ENOX1: variants seen among roughly 807,000 people sequenced by gnomAD.
ENOX1 encodes ecto-NOX disulfide-thiol exchanger 1, also known as candidate growth-related and time keeping constitutive hydroquinone (NADH) oxidase.
ENOX1 carries 42 observed loss-of-function variants against 82.5 expected under a neutral mutation model. The ratio of observed to expected loss-of-function variants is 0.51; its 90% CI spans 0.40 to 0.66. The LOEUF is 0.66. ENOX1 is among the 30% of genes least tolerant of loss of function. ENOX1 has a pLI of 0.00. For missense variants in ENOX1, 608 were observed against 811.6 expected, an observed-to-expected ratio of 0.75 and a Z score of 3.05; for synonymous variants, 271 against 282.2, an observed-to-expected ratio of 0.96 and a Z score of 0.40.
intron 8 of ENOX1, among the ~76,000 whole-genome samples, chr13:43,346,882 T>C (rs74486645): frequency 2.1e-5 from 3 of 144,602 alleles, no homozygotes; most frequent in Non-Finnish European, 4.6e-5. Context: ...TTTTTTTTTT[T>C]CCTCTGAAAA....
At chr13:43,336,531 T>C (rs770225325) in intron 9 of ENOX1, among the ~76,000 whole-genome samples, 2 of 152,196 alleles carry the variant, frequency 1.3e-5, no homozygotes, top group Non-Finnish European at 2.9e-5. Context: ...ACCTCAGGGT[T>C]GAAATGTGGC....
chr13:43,758,037 C>G (rs1252032116), intron 1 of ENOX1, among the ~76,000 whole-genome samples: 2 of 152,208 alleles, frequency 1.3e-5, no homozygotes, highest in East Asian at 3.9e-4. Context: ...GAGTTCCAGA[C>G]CAGCCTGGCC....
chr13:43,265,493 T>A (rs771450666), intron 13 of ENOX1, 39 bp from the exon 14 acceptor site: 1 of 1,560,206 alleles, frequency 6.4e-7, no homozygotes, highest in South Asian at 1.1e-5. Context: ...AACAAAAAAA[T>A]GAATAAGCAA....
At chr13:43,459,707 T>C (rs9533493) in intron 3 of ENOX1, among the ~76,000 whole-genome samples, 64,641 of 151,996 alleles carry the variant, frequency 0.43, 14,344 homozygotes, top group Non-Finnish European at 0.5. Flanking sequence ...AAAATAACTA[T>C]CCTCTGCTGG....
intron 12 of ENOX1, among the ~76,000 whole-genome samples, chr13:43,281,854 A>T (rs1439154297): frequency 1.3e-5 from 2 of 152,186 alleles, no homozygotes; most frequent in Non-Finnish European, 2.9e-5. Flanking sequence ...TTTATGTAGC[A>T]ATCTTTTTCT....
At position 43,365,142 on chromosome 13, in the gene ENOX1, AGC is replaced by A. The variant is rs1425709823; in HGVS notation, c.209-3692_209-3691del. On this transcript the variant is annotated intron_variant, in intron 5 of 16. Transcript: ENST00000690772. ...CTTCTCTCTTTGTCTGCTGCCCGCT[AGC>A]CATGCCTTGCTCCTTTTCTGCCCTT... Among the ~76,000 whole-genome samples the A allele has an allele frequency of 2.0e-5, 3 of 152,170 alleles. No individual in the cohort carries two copies. In the East Asian group the frequency reaches 5.8e-4, roughly 29 times the overall value.
chr13:43,214,211 T>TGAACA (rs2041339572), intron 16 of ENOX1, 90 bp from the exon 17 acceptor site: 2 of 1,365,058 alleles, frequency 1.5e-6, no homozygotes. Context: ...CCCAGTGATA[T>TGAACA]GAACAGCATT....
chr13:43,449,662 A>G (rs2056851146), intron 3 of ENOX1, among the ~76,000 whole-genome samples: 1 of 151,974 alleles, frequency 6.6e-6, no homozygotes, highest in Admixed American at 6.6e-5. Context: ...TCTAAAATAG[A>G]TACTTCTTAT....
At chr13:43,441,444 A>G (rs13378681) in intron 3 of ENOX1, among the ~76,000 whole-genome samples, 32,446 of 152,106 alleles carry the variant, frequency 0.21, 3,807 homozygotes, top group Middle Eastern at 0.31. Context: ...CAGACAGGAA[A>G]AAAGACAGGA....
At chr13:43,429,324 G>A (rs898092297) in intron 3 of ENOX1, among the ~76,000 whole-genome samples, 1 of 152,146 alleles carries the variant, frequency 6.6e-6, no homozygotes, top group African/African-American at 2.4e-5. Flanking sequence ...AAATGCTTTC[G>A]ACTACGATGG....
rs79656558 is a variant in ENOX1, at chr13:43,263,437, G to T, written c.1611+1961C>A. On this transcript the variant is annotated intron_variant, in intron 14 of 16. Transcript: ENST00000690772. ...AGCCTACGTCATAGACTCTAGACAG[G>T]TATCTTAAAAAAGCTGAAAACTTTC... Among the ~76,000 whole-genome samples the T allele has an allele frequency of 4.7e-3, 714 of 152,276 alleles. 13 individuals are homozygous for T. In the East Asian group the frequency reaches 0.057, roughly 12 times the overall value.
intron 1 of ENOX1, among the ~76,000 whole-genome samples, chr13:43,719,343 A>ACACACACC (rs1215069179): frequency 2.0e-5 from 3 of 149,026 alleles, no homozygotes; most frequent in East Asian, 3.9e-4. Flanking sequence ...ACACACACAC[A>ACACACACC]CACACCAGCA....
intron 2 of ENOX1, among the ~76,000 whole-genome samples, chr13:43,521,692 A>C (rs888361733): frequency 1.3e-5 from 2 of 152,158 alleles, no homozygotes; most frequent in African/African-American, 4.8e-5. Context: ...CTTTGAGTGC[A>C]AAGACCTACT....
chr13:43,654,521 T>C (rs2084341106), intron 2 of ENOX1, among the ~76,000 whole-genome samples: 1 of 152,136 alleles, frequency 6.6e-6, no homozygotes, highest in Non-Finnish European at 1.5e-5. Context: ...AAAAAAGTGC[T>C]CAGTATTATA....
intron 2 of ENOX1, among the ~76,000 whole-genome samples, chr13:43,557,838 TG>T (rs1212729075): frequency 6.6e-6 from 1 of 152,136 alleles, no homozygotes; most frequent in Non-Finnish European, 1.5e-5. Context: ...ATTTTGTGGT[TG>T]TAAGTACAAA....
intron 2 of ENOX1, among the ~76,000 whole-genome samples, chr13:43,511,621 C>T (rs2077372017): frequency 6.6e-6 from 1 of 152,118 alleles, no homozygotes; most frequent in African/African-American, 2.4e-5. Flanking sequence ...AAGAGGTTCT[C>T]CTGGGATAAA....
intron 2 of ENOX1, among the ~76,000 whole-genome samples, chr13:43,661,529 ATGT>A (rs2153785807): frequency 6.6e-6 from 1 of 152,320 alleles, no homozygotes; most frequent in African/African-American, 2.4e-5. Flanking sequence ...ATAAAGAGTA[ATGT>A]TGTTAAAATG....
At chr13:43,656,610 T>C (rs139161320) in intron 2 of ENOX1, among the ~76,000 whole-genome samples, 25 of 152,256 alleles carry the variant, frequency 1.6e-4, no homozygotes, top group African/African-American at 5.5e-4. Context: ...TATAAACCTT[T>C]GAGAGGGTTT....
intron 2 of ENOX1, among the ~76,000 whole-genome samples, chr13:43,525,551 C>T (rs956035651): frequency 6.6e-6 from 1 of 152,046 alleles, no homozygotes; most frequent in Non-Finnish European, 1.5e-5. Context: ...TTTTGAGGAA[C>T]TGTCCTACCG....
Sources: allele counts gnomAD v4.1 joint callset (sites outside exome capture counted in the v4.1 genomes callset), GRCh38; gene constraint gnomAD v4.1.1; transcripts MANE v1.5; gene names NCBI Gene and HGNC (gene_info 2026-07-23, HGNC 2026-07-21).